Variants in CYP19A1 observed in about 807,000 individuals in gnomAD.
CYP19A1 encodes aromatase.
CYP19A1 carries 32 observed loss-of-function variants against 44.4 expected under a neutral mutation model. That is an observed-to-expected ratio of 0.72 (90% CI 0.54 to 0.97). The LOEUF (loss-of-function observed/expected upper bound fraction) is 0.97, where lower values mean the gene tolerates loss of function less well. Ranked by LOEUF, CYP19A1 falls within the 50% of genes least tolerant of loss-of-function variation. CYP19A1 has a pLI of 0.00. For missense variants in CYP19A1, 598 were observed against 637.8 expected, an observed-to-expected ratio of 0.94 and a Z score of 0.67; for synonymous variants, 212 against 215.6, an observed-to-expected ratio of 0.98 and a Z score of 0.14.
At chr15:51,333,708 C>G (rs1469893928) in intron 1 of CYP19A1, among the ~76,000 whole-genome samples, 2 of 152,152 alleles carry the variant, frequency 1.3e-5, no homozygotes, top group Non-Finnish European at 1.5e-5. Context: ...GTAAGCTTCT[C>G]TTAGCCGGGG....
chr15:51,263,109 A>C (rs2034791145), intron 1 of CYP19A1, among the ~76,000 whole-genome samples: 1 of 152,222 alleles, frequency 6.6e-6, no homozygotes. Flanking sequence ...CAAAGAACTC[A>C]AGAATTTAGA....
chr15:51,248,437 T>C (rs571568529), intron 1 of CYP19A1, among the ~76,000 whole-genome samples: 2 of 152,256 alleles, frequency 1.3e-5, no homozygotes, highest in African/African-American at 4.8e-5. Context: ...GACTTTGTAA[T>C]GTCAGCCATA....
chr15:51,260,778 T>C (rs1335519688), intron 1 of CYP19A1, among the ~76,000 whole-genome samples: 1 of 152,134 alleles, frequency 6.6e-6, no homozygotes, highest in African/African-American at 2.4e-5. Context: ...TCAAATCATA[T>C]ATTGCCTGAG....
chr15:51,293,332 AC>A (rs1352850741), intron 1 of CYP19A1, among the ~76,000 whole-genome samples: 1 of 152,210 alleles, frequency 6.6e-6, no homozygotes, highest in Non-Finnish European at 1.5e-5. Context: ...ACAATTGTAA[AC>A]AAAATATTAG....
At chr15:51,322,851 T>C (rs891528755) in intron 1 of CYP19A1, among the ~76,000 whole-genome samples, 3 of 152,250 alleles carry the variant, frequency 2.0e-5, no homozygotes, top group Admixed American at 2.0e-4. Context: ...CATGAGTCCA[T>C]AACCTGTGAT....
At chr15:51,333,493 A>G (rs1286541825) in intron 1 of CYP19A1, among the ~76,000 whole-genome samples, 1 of 152,200 alleles carries the variant, frequency 6.6e-6, no homozygotes, top group Non-Finnish European at 1.5e-5. Context: ...TTTGGAGACC[A>G]TGTGTTTACT....
chr15:51,267,286 GTCGGTGCCGCCCGCAGAATCT>G (rs2034955642), intron 1 of CYP19A1, among the ~76,000 whole-genome samples: 1 of 152,180 alleles, frequency 6.6e-6, no homozygotes, highest in African/African-American at 2.4e-5. Context: ...GCTGCCTGCG[GTCGGTGCCGCCCGCAGAATCT>G]GCGCGGCCCA....
intron 1 of CYP19A1, among the ~76,000 whole-genome samples, chr15:51,260,738 T>C (rs1256753523): frequency 6.6e-6 from 1 of 152,120 alleles, no homozygotes; most frequent in South Asian, 2.1e-4. Context: ...AAAATACAAA[T>C]TGGGCTAAAA....
intron 1 of CYP19A1, among the ~76,000 whole-genome samples, chr15:51,302,776 T>C (rs1490833032): frequency 6.6e-6 from 1 of 152,210 alleles, no homozygotes; most frequent in Non-Finnish European, 1.5e-5. Flanking sequence ...CCAGCCCACG[T>C]CTTTCTCTCT....
At chr15:51,226,307 G>A (rs1002473351) in intron 4 of CYP19A1, among the ~76,000 whole-genome samples, 3 of 152,132 alleles carry the variant, frequency 2.0e-5, no homozygotes, top group Middle Eastern at 3.2e-3. Flanking sequence ...GTCTCTCCTA[G>A]AGCCCCCAGA....
At chr15:51,212,870 T>G (rs1037469734) in intron 8 of CYP19A1, among the ~76,000 whole-genome samples, 8 of 152,162 alleles carry the variant, frequency 5.3e-5, no homozygotes, top group African/African-American at 1.9e-4. Flanking sequence ...TGACGCTGAG[T>G]GGCCAATTAC....
At chr15:51,233,476 T>A (rs2033176988) in intron 3 of CYP19A1, among the ~76,000 whole-genome samples, 1 of 152,242 alleles carries the variant, frequency 6.6e-6, no homozygotes. Flanking sequence ...CCTGCTGCTA[T>A]ACATAGTAAG....
intron 5 of CYP19A1, chr15:51,221,819 A>G (rs1248884179): frequency 6.0e-6 from 1 of 165,330 alleles, no homozygotes; most frequent in African/African-American, 2.4e-5. Flanking sequence ...TTTGGCACAC[A>G]TTAGATACTA....
chr15:51,236,141 G>A (rs958750321), intron 3 of CYP19A1, among the ~76,000 whole-genome samples: 1 of 152,126 alleles, frequency 6.6e-6, no homozygotes. Context: ...GGGTAATATT[G>A]TTCCTGATTT....
chr15:51,210,960 G>A lies in CYP19A1; in HGVS notation c.1360C>T (p.Leu454Phe). 1 of 1,607,500 alleles carries A rather than the reference G, an allele frequency of 6.2e-7. No homozygotes were observed. Among genetic ancestry groups the A allele is most frequent in the East Asian group, 2.2e-5 (1 of 44,850 alleles). Reference sequence around the variant, plus strand: ...GTCTTCACGTGGAATCGTCTCAGAAGTGTAACGAGGATGGCTTTCATCATC... The same window carrying A: ...GTCTTCACGTGGAATCGTCTCAGAAATGTAACGAGGATGGCTTTCATCATC... ...MVMMKAILVT[L>F]LRRFHVKTLQ... Residue 454 changes from leucine (L) to phenylalanine (F), a missense_variant, in exon 10 of 10, where the codon CTT becomes TTT. Transcript: ENST00000396402.
intron 1 of CYP19A1, among the ~76,000 whole-genome samples, chr15:51,252,515 T>G (rs2034355621): frequency 6.6e-6 from 1 of 152,156 alleles, no homozygotes; most frequent in Admixed American, 6.5e-5. Flanking sequence ...CAGTTGATAA[T>G]GGGGTGTTAC....
intron 8 of CYP19A1, among the ~76,000 whole-genome samples, chr15:51,213,533 G>A (rs2031244292): frequency 6.6e-6 from 1 of 152,150 alleles, no homozygotes; most frequent in African/African-American, 2.4e-5. Context: ...TATAGCTGGG[G>A]TTGGGAGGTA....
chr15:51,276,290 A>G (rs2035307480), intron 1 of CYP19A1, among the ~76,000 whole-genome samples: 1 of 152,162 alleles, frequency 6.6e-6, no homozygotes, highest in Non-Finnish European at 1.5e-5. Context: ...GCCAGCCAAA[A>G]TGACAAGCTC....
intron 1 of CYP19A1, among the ~76,000 whole-genome samples, chr15:51,295,155 T>A (rs952073668): frequency 2.4e-4 from 34 of 143,634 alleles, no homozygotes; most frequent in African/African-American, 8.2e-4. Context: ...TTTTTTTTTT[T>A]AATTAATTTG....
Sources: allele counts gnomAD v4.1 joint callset (sites outside exome capture counted in the v4.1 genomes callset), GRCh38; gene constraint gnomAD v4.1.1; transcripts MANE v1.5; gene names NCBI Gene and HGNC (gene_info 2026-07-23, HGNC 2026-07-21).